The following TRDN variants were observed in gnomAD, a reference collection of about 807,000 sequenced individuals.
TRDN encodes triadin in skeletal muscle.
TRDN carries 161 observed loss-of-function variants against 149.7 expected under a neutral mutation model. That is an observed-to-expected ratio of 1.08 (90% CI 0.95 to 1.23). The LOEUF (loss-of-function observed/expected upper bound fraction) is 1.23, where lower values mean the gene tolerates loss of function less well. Among genes scored for constraint, TRDN ranks in the 50% most tolerant of loss-of-function variants. TRDN has a pLI of 0.00. For synonymous variants in TRDN, 294 were observed against 250.5 expected (o/e 1.17, Z -1.64); for missense variants, 896 against 823.5 (o/e 1.09, Z -1.08).
At position 123,264,980 on chromosome 6, in the gene TRDN, G is replaced by A. The variant is rs921228678; in HGVS notation, c.1804+338C>T. 2.0e-5 allele frequency among the ~76,000 whole-genome samples: 3 copies of A among 152,000 alleles called. No individual in the cohort carries two copies. In the East Asian group the frequency reaches 5.8e-4, roughly 29 times the overall value. On this transcript the variant is annotated intron_variant, in intron 33 of 40. Coordinates refer to ENST00000334268, the MANE Select transcript of TRDN (RefSeq NM_006073.4). Reference sequence around the variant, plus strand: ...AAAAATGGTGTGATTTATTGTGGTGGTCTGAATGAAACCTGCAATACCCCC... The same window carrying A: ...AAAAATGGTGTGATTTATTGTGGTGATCTGAATGAAACCTGCAATACCCCC...
intron 9 of TRDN, chr6:123,488,975 T>C (rs949727050): frequency 2.0e-5 from 3 of 152,160 alleles, no homozygotes; most frequent in Non-Finnish European, 4.4e-5. Flanking sequence ...TTATATAAGA[T>C]TTCCATAGCC....
intron 13 of TRDN, among the ~76,000 whole-genome samples, chr6:123,390,052 A>G (rs1782049094): frequency 6.6e-6 from 1 of 152,108 alleles, no homozygotes; most frequent in Non-Finnish European, 1.5e-5. Flanking sequence ...ATGGATGGGT[A>G]TGGGGAACTC....
intron 38 of TRDN, among the ~76,000 whole-genome samples, chr6:123,235,759 C>G (rs1326062067): frequency 6.6e-6 from 1 of 152,138 alleles, no homozygotes; most frequent in Non-Finnish European, 1.5e-5. Flanking sequence ...AACTACTGAG[C>G]TGTAACCCAA....
At chr6:123,236,994 A>G (rs1285194410) in intron 38 of TRDN, among the ~76,000 whole-genome samples, 5 of 152,058 alleles carry the variant, frequency 3.3e-5, no homozygotes, top group Admixed American at 3.3e-4. Context: ...ATTTGGGGAG[A>G]ACTGACCTCT....
intron 1 of TRDN, 44 bp downstream of exon 1, chr6:123,636,710 A>G (rs767477516): frequency 1.2e-6 from 2 of 1,605,452 alleles, no homozygotes; most frequent in Non-Finnish European, 1.7e-6. Context: ...CGATTTGCAT[A>G]TTTTTTTTCC....
intron 24 of TRDN, among the ~76,000 whole-genome samples, chr6:123,308,802 C>T (rs1778709252): frequency 6.6e-6 from 1 of 151,952 alleles, no homozygotes; most frequent in South Asian, 2.1e-4. Context: ...TAACACAGTA[C>T]AGAGAGAATG....
intron 1 of TRDN, among the ~76,000 whole-genome samples, chr6:123,607,289 T>C (rs1784571246): frequency 2.0e-5 from 3 of 152,210 alleles, no homozygotes; most frequent in Non-Finnish European, 1.5e-5. Context: ...CTAAACTCAA[T>C]GGGACTTATA....
intron 2 of TRDN, among the ~76,000 whole-genome samples, chr6:123,562,467 C>A (rs1167161275): frequency 6.6e-6 from 1 of 152,168 alleles, no homozygotes; most frequent in Non-Finnish European, 1.5e-5. Context: ...TTCACCCCTT[C>A]CATGATGTGA....
At chr6:123,542,797 GT>G (rs1253740399) in intron 4 of TRDN, among the ~76,000 whole-genome samples, 3 of 151,482 alleles carry the variant, frequency 2.0e-5, no homozygotes, top group Non-Finnish European at 4.4e-5. Flanking sequence ...AGACTTTTGG[GT>G]TTTCGCTCTC....
At chr6:123,509,083 G>A (rs924887900) in intron 7 of TRDN, among the ~76,000 whole-genome samples, 3 of 151,612 alleles carry the variant, frequency 2.0e-5, no homozygotes, top group African/African-American at 7.3e-5. Context: ...ATATACATAT[G>A]CATACATATA....
At chr6:123,494,690 C>T (rs1778359805) in intron 9 of TRDN, among the ~76,000 whole-genome samples, 2 of 152,106 alleles carry the variant, frequency 1.3e-5, no homozygotes, top group Non-Finnish European at 1.5e-5. Flanking sequence ...ATTTCTTGAA[C>T]CAACACAGGT....
At chr6:123,363,538 T>C (rs1562279033) in intron 20 of TRDN, among the ~76,000 whole-genome samples, 2 of 152,178 alleles carry the variant, frequency 1.3e-5, no homozygotes, top group South Asian at 2.1e-4. Context: ...AGAATTGGGG[T>C]ATGAGATCTA....
chr6:123,223,809 G>A (rs1775251593), intron 39 of TRDN, among the ~76,000 whole-genome samples: 1 of 150,490 alleles, frequency 6.6e-6, no homozygotes, highest in Non-Finnish European at 1.5e-5. Flanking sequence ...ATTCTTAATG[G>A]AATAGTGATT....
intron 38 of TRDN, among the ~76,000 whole-genome samples, chr6:123,233,286 C>A (rs1775675691): frequency 6.6e-6 from 1 of 152,002 alleles, no homozygotes; most frequent in Non-Finnish European, 1.5e-5. Flanking sequence ...TCAATATGTG[C>A]TATTATTTAA....
chr6:123,397,181 C>T (rs901014726), intron 12 of TRDN, among the ~76,000 whole-genome samples: 4 of 152,124 alleles, frequency 2.6e-5, no homozygotes, highest in Admixed American at 2.6e-4. Flanking sequence ...CTTATAGTAA[C>T]AACAAAATAA....
intron 9 of TRDN, among the ~76,000 whole-genome samples, chr6:123,490,403 G>A (rs1185291469): frequency 6.6e-6 from 1 of 152,184 alleles, no homozygotes; most frequent in Non-Finnish European, 1.5e-5. Flanking sequence ...GTGGAATAGA[G>A]CGTGATAACA....
chr6:123,550,449 G>A (rs1387635502), intron 2 of TRDN, among the ~76,000 whole-genome samples: 1 of 152,070 alleles, frequency 6.6e-6, no homozygotes, highest in Non-Finnish European at 1.5e-5. Flanking sequence ...CCTTTGGATT[G>A]GATGACGAGG....
intron 23 of TRDN, among the ~76,000 whole-genome samples, chr6:123,324,686 A>G (rs1203482160): frequency 1.3e-5 from 2 of 152,194 alleles, no homozygotes; most frequent in Non-Finnish European, 2.9e-5. Flanking sequence ...TCACCTACAT[A>G]CAGCTGTACA....
At chr6:123,223,894 T>G (rs1330535723) in intron 39 of TRDN, among the ~76,000 whole-genome samples, 199 bp downstream of exon 39, 1 of 151,714 alleles carries the variant, frequency 6.6e-6, no homozygotes, top group Non-Finnish European at 1.5e-5. Context: ...CAACTAGTGT[T>G]TTTAATATGT....
Sources: gnomAD v4.1 joint callset for allele counts (sites outside exome capture counted in the v4.1 genomes callset) on GRCh38, gnomAD v4.1.1 for gene constraint, MANE v1.5 for transcripts, NCBI Gene and HGNC (gene_info 2026-07-23, HGNC 2026-07-21) for gene names.